Variants in ST8SIA4 observed in about 807,000 individuals in gnomAD.
The protein encoded by ST8SIA4 is CMP-N-acetylneuraminate-poly-alpha-2,8-sialyltransferase.
In ST8SIA4, 15 loss-of-function variants were observed where a neutral mutation model predicts 33.9. The observed-to-expected ratio is 0.44, with a 90% CI of 0.30 to 0.68. The LOEUF is 0.68. Among genes scored for constraint, ST8SIA4 ranks in the 30% least tolerant of loss-of-function variants. The pLI is 0.10. For synonymous variants in ST8SIA4, 171 were observed against 151.2 expected, an observed-to-expected ratio of 1.13 and a Z score of -0.96; for missense variants, 321 against 428.0, an observed-to-expected ratio of 0.75 and a Z score of 2.21.
At chr5:100,861,972 CT>C (rs1455060050) in intron 3 of ST8SIA4, among the ~76,000 whole-genome samples, 2 of 152,134 alleles carry the variant, frequency 1.3e-5, no homozygotes, top group Non-Finnish European at 2.9e-5. Context: ...ATGCTCTTTC[CT>C]TTTACAATCT....
intron 1 of ST8SIA4, 114 bp from the exon 2 acceptor site, chr5:100,895,899 A>G: frequency 8.7e-7 from 1 of 1,142,958 alleles, no homozygotes; most frequent in Non-Finnish European, 1.2e-6. Flanking sequence ...TTTTTCCCCT[A>G]CAAGTTAGAA....
intron 3 of ST8SIA4, among the ~76,000 whole-genome samples, chr5:100,861,072 G>T (rs937627997): frequency 6.6e-6 from 1 of 151,932 alleles, no homozygotes; most frequent in African/African-American, 2.4e-5. Context: ...GGATTAAAAT[G>T]GACTTTCATG....
At chr5:100,815,752 G>A (rs922150626) in intron 4 of ST8SIA4, among the ~76,000 whole-genome samples, 3 of 152,090 alleles carry the variant, frequency 2.0e-5, no homozygotes, top group African/African-American at 4.8e-5. Context: ...TATATTTATA[G>A]TCAGAAGACA....
intron 2 of ST8SIA4, chr5:100,890,439 T>G (rs1390802398): frequency 1.3e-5 from 2 of 151,884 alleles, no homozygotes; most frequent in Non-Finnish European, 2.9e-5. Context: ...TTGATAGAAA[T>G]TTTTGTTTAA....
intron 3 of ST8SIA4, among the ~76,000 whole-genome samples, chr5:100,860,825 T>C (rs1361698488): frequency 6.6e-6 from 1 of 152,000 alleles, no homozygotes; most frequent in Non-Finnish European, 1.5e-5. Context: ...GAACAAAGAG[T>C]GTTCTATCAT....
intron 4 of ST8SIA4, among the ~76,000 whole-genome samples, chr5:100,841,258 C>A (rs1414049832): frequency 1.3e-5 from 2 of 151,728 alleles, no homozygotes; most frequent in Non-Finnish European, 2.9e-5. Flanking sequence ...TAAACTGGGA[C>A]TTTTGTAAAT....
chr5:100,834,932 T>A (rs184241553), intron 4 of ST8SIA4, among the ~76,000 whole-genome samples: 1 of 152,284 alleles, frequency 6.6e-6, no homozygotes, highest in East Asian at 1.9e-4. Flanking sequence ...CAGCCTCAGT[T>A]ATCTCTTTAT....
intron 1 of ST8SIA4, among the ~76,000 whole-genome samples, chr5:100,897,306 G>A (rs1027321759): frequency 6.6e-6 from 1 of 152,030 alleles, no homozygotes; most frequent in Non-Finnish European, 1.5e-5. Context: ...ACCTGTAATA[G>A]CATGCATGCC....
chr5:100,841,914 T>C (rs967177538), intron 4 of ST8SIA4, among the ~76,000 whole-genome samples: 5 of 151,996 alleles, frequency 3.3e-5, no homozygotes, highest in African/African-American at 1.2e-4. Context: ...CCCTATGTAA[T>C]CTTGTTGGCT....
intron 3 of ST8SIA4, among the ~76,000 whole-genome samples, chr5:100,862,098 C>CT (rs1751958966): frequency 6.6e-6 from 1 of 152,138 alleles, no homozygotes; most frequent in Admixed American, 6.5e-5. Flanking sequence ...ATTTAGTAAG[C>CT]CATTGTGGCT....
rs1750724590 is a variant in ST8SIA4 at position 100,807,789 on chromosome 5, C to G, written c.*4058G>C. ...ACACAAATTTAGTGTATACATATTACAGACTCAGTGTGTATACAGACATAT... is the reference window on the plus strand; with the variant it reads ...ACACAAATTTAGTGTATACATATTAGAGACTCAGTGTGTATACAGACATAT... On this transcript the variant is annotated 3_prime_UTR_variant, in exon 5 of 5. Coordinates refer to ENST00000231461, the MANE Select transcript of ST8SIA4 (RefSeq NM_005668.6). 1.3e-5 allele frequency: 2 copies of G among 152,500 alleles called. No individual in the cohort carries two copies. Among genetic ancestry groups the G allele is most frequent in the Admixed American group, 1.3e-4 (2 of 15,264 alleles). 9.4% of individuals were successfully genotyped at this position (152,500 alleles called of 1,614,324 possible).
chr5:100,837,833 C>T (rs924978146), intron 4 of ST8SIA4, among the ~76,000 whole-genome samples: 2 of 151,792 alleles, frequency 1.3e-5, no homozygotes, highest in East Asian at 1.9e-4. Flanking sequence ...AAACTCATGC[C>T]GAAAGATGTA....
chr5:100,900,944 A>G (rs1246478729), intron 1 of ST8SIA4, among the ~76,000 whole-genome samples: 1 of 152,172 alleles, frequency 6.6e-6, no homozygotes, highest in Non-Finnish European at 1.5e-5. Flanking sequence ...GCCTGCCCCA[A>G]CGCCTTCTCA....
intron 4 of ST8SIA4, among the ~76,000 whole-genome samples, chr5:100,832,526 T>C (rs1751284439): frequency 6.6e-6 from 1 of 152,114 alleles, no homozygotes; most frequent in African/African-American, 2.4e-5. Flanking sequence ...AGTATGACTC[T>C]CTCTTTTTCA....
intron 1 of ST8SIA4, among the ~76,000 whole-genome samples, chr5:100,900,825 A>G (rs1036341296): frequency 6.6e-6 from 1 of 152,108 alleles, no homozygotes; most frequent in Non-Finnish European, 1.5e-5. Flanking sequence ...GTCCTGCAAT[A>G]AAGGTTTCCC....
At chr5:100,886,883 A>G (rs1016947968) in intron 2 of ST8SIA4, among the ~76,000 whole-genome samples, 4 of 152,150 alleles carry the variant, frequency 2.6e-5, no homozygotes, top group African/African-American at 4.8e-5. Context: ...CACTCCAATT[A>G]TCAAAATATA....
At chr5:100,819,796 T>G (rs1215428061) in intron 4 of ST8SIA4, among the ~76,000 whole-genome samples, 1 of 152,200 alleles carries the variant, frequency 6.6e-6, no homozygotes. Context: ...TTTGTAAAGA[T>G]AGCTTCATTA....
intron 1 of ST8SIA4, among the ~76,000 whole-genome samples, chr5:100,900,756 T>TG (rs1409591795): frequency 4.4e-5 from 1 of 22,782 alleles, no homozygotes; most frequent in African/African-American, 2.0e-4. Context: ...AAAGTGACTT[T>TG]GGGTGGGGGG....
chr5:100,890,579 A>G (rs751961911), intron 2 of ST8SIA4: 11 of 151,904 alleles, frequency 7.2e-5, no homozygotes, highest in Non-Finnish European at 1.2e-4. Context: ...TTACCAGTAC[A>G]AGTTTTCCTA....
Sources: gnomAD v4.1 joint callset for allele counts (sites outside exome capture counted in the v4.1 genomes callset) on GRCh38, gnomAD v4.1.1 for gene constraint, MANE v1.5 for transcripts, NCBI Gene and HGNC (gene_info 2026-07-23, HGNC 2026-07-21) for gene names.